GGT1: variants seen among roughly 807,000 people sequenced by gnomAD.
GGT1 encodes gamma-glutamyltransferase 1, also known as glutathione hydrolase 1 proenzyme.
Under a neutral mutation model 56.0 loss-of-function variants are expected in GGT1, and 21 were observed. That is an observed-to-expected ratio of 0.38 (90% CI 0.27 to 0.54). The LOEUF (loss-of-function observed/expected upper bound fraction) is 0.54, where lower values mean the gene tolerates loss of function less well. GGT1 is among the 20% of genes least tolerant of loss of function. The probability of loss-of-function intolerance (pLI) is 0.82; values close to 1 mark genes in which losing one functional copy is unlikely to be tolerated. For missense variants in GGT1, 466 were observed against 787.0 expected (o/e 0.59, Z 4.88); for synonymous variants, 238 against 342.6 (o/e 0.69, Z 3.37).
In GGT1 at chr22:24,628,524, C is replaced by T; in HGVS notation, c.1563+136C>T. The stretch of plus-strand genomic sequence containing the variant: ...CCTGGGCCATCTGGAGCCCCTGTGC[C>T]ATGAGGGCCAAGCCCCCTGCTCCAG... On this transcript the variant is annotated intron_variant, in intron 15 of 15. Coordinates refer to ENST00000400382, the MANE Select transcript of GGT1 (RefSeq NM_001288833.2). This position sits in a 1 kb window ranked among gnomAD's most constrained non-coding sequence, Gnocchi z 5.7. The T allele has an allele frequency of 1.6e-6, 2 of 1,270,426 alleles. No individual in the cohort carries two copies. The highest frequency in any genetic ancestry group is 1.1e-6 in the Non-Finnish European group (1 of 902,996). 78.7% of individuals were successfully genotyped at this position (1,270,426 alleles called of 1,614,324 possible). A position where few individuals can be genotyped will look rare whatever the true frequency, so the allele number is the denominator to read the frequency against.
At position 24,624,626 on chromosome 22, in the gene GGT1, G is replaced by A. The variant is rs9620404; in HGVS notation, c.1020+710G>A. The A allele has an allele frequency of 1.7e-4, 158 of 939,838 alleles. No homozygotes were observed. The African/African-American group carries it at 2.5e-3, about 15-fold the overall frequency. The allele number at this position is 939,838 out of a possible 1,614,324, so 58.2% of individuals were successfully genotyped here. ...TGAGGGGACAGAGCCACTGCAGTGTGTCCCTCTGCCCTCCTTTTTGGCTAA... is the reference window on the plus strand; with the variant it reads ...TGAGGGGACAGAGCCACTGCAGTGTATCCCTCTGCCCTCCTTTTTGGCTAA... On this transcript the variant is annotated intron_variant, in intron 11 of 15. Coordinates refer to ENST00000400382, the MANE Select transcript of GGT1 (RefSeq NM_001288833.2).
Position 24,620,257 on chromosome 22 carries a change from C to T in GGT1, c.383-71C>T. On this transcript the variant is annotated intron_variant, in intron 7 of 15. Transcript: ENST00000400382. The surrounding 1 kb of genome is among the most constrained non-coding windows in gnomAD (Gnocchi z 5.6). ...CTGTAAAATGAGTCAGGGACTGTGCCTGGGATGCTGCCTGCGAGAGATCCC... is the reference window on the plus strand; with the variant it reads ...CTGTAAAATGAGTCAGGGACTGTGCTTGGGATGCTGCCTGCGAGAGATCCC... 6.5e-7 allele frequency: 1 copy of T among 1,535,692 alleles called. No homozygotes were observed.
At chr22:24,589,810 G>C in the GGT1 span, 17 of 1,609,080 alleles carry the variant, frequency 1.1e-5, no homozygotes, top group Non-Finnish European at 1.4e-5. Flanking sequence ...GCCCGTGCCT[G>C]CCAGCCTCAC....
upstream of GGT1, chr22:24,592,074 TC>T (rs1484606603): frequency 5.8e-6 from 2 of 345,902 alleles, no homozygotes; most frequent in East Asian, 1.7e-4. Context: ...ATGGCTGACT[TC>T]CTGCTCACAG....
In GGT1 at chr22:24,621,004, G is replaced by A. The variant is rs1457594233; in HGVS notation, c.667G>A (p.Glu223Lys). The A allele has an allele frequency of 4.3e-6, 7 of 1,610,982 alleles. No individual in the cohort carries two copies. The highest frequency in any genetic ancestry group is 2.7e-5 in the African/African-American group (2 of 74,862). ...TGACACCTACGAGACGCTGGCCATC[G>A]AGGGTGCCCAGGCCTTCTACAACGG... ...LADTYETLAI[E>K]GAQAFYNGSL... The change falls in exon 9 of 16, where the codon GAG (glutamate) becomes AAG (lysine). Residue 223 changes from glutamate to lysine, a missense_variant. Physicochemically the swap from Glu to Lys is moderately conservative, Grantham distance 56. Transcript: ENST00000400382.
the GGT1 span, among the ~76,000 whole-genome samples, chr22:24,585,206 C>T: frequency 6.6e-6 from 1 of 152,186 alleles, no homozygotes; most frequent in Non-Finnish European, 1.5e-5. Flanking sequence ...GCACCAAGTC[C>T]TCTCACTTAG....
chr22:24,617,103 G>T (rs1303579791), intron 7 of GGT1, among the ~76,000 whole-genome samples: 1 of 152,214 alleles, frequency 6.6e-6, no homozygotes, highest in Non-Finnish European at 1.5e-5. Flanking sequence ...GTGTGTTACG[G>T]GCTGTAGAAA....
At chr22:24,595,066 A>G (rs748253386) in intron 1 of GGT1, among the ~76,000 whole-genome samples, 2 of 152,178 alleles carry the variant, frequency 1.3e-5, no homozygotes, top group Non-Finnish European at 2.9e-5. Flanking sequence ...GCCTGGAGGC[A>G]TGAAAGGGGC....
the GGT1 span, chr22:24,586,255 A>G: frequency 1.6e-5 from 26 of 1,613,638 alleles, no homozygotes; most frequent in African/African-American, 4.0e-5. Context: ...GCAGCTCATC[A>G]CTCAGCCCCG....
chr22:24,588,149 G>C, the GGT1 span: 2 of 1,259,752 alleles, frequency 1.6e-6, no homozygotes, highest in Non-Finnish European at 1.1e-6. Flanking sequence ...TGAGAGTGCA[G>C]GTGTCAACCT....
chr22:24,619,259 A>G (rs1218547411), intron 7 of GGT1, among the ~76,000 whole-genome samples: 7 of 152,100 alleles, frequency 4.6e-5, no homozygotes, highest in African/African-American at 9.7e-5. Context: ...TTAGCAAGGC[A>G]TGGTGGTGCA....
In GGT1 at chr22:24,620,968, C is replaced by A. The variant is rs759495814; in HGVS notation, c.631C>A (p.Pro211Thr). 1.2e-6 allele frequency: 2 copies of A among 1,612,012 alleles called. No individual in the cohort carries two copies. Among genetic ancestry groups the A allele is most frequent in the Non-Finnish European group, 1.7e-6 (2 of 1,179,850 alleles). Residue 211 changes from proline to threonine, a missense_variant, in exon 9 of 16, where the codon CCG (proline) becomes ACG (threonine). By Grantham distance (38) the Pro-to-Thr change is conservative. Around this residue, in one of 2 missense-constraint regions of GGT1, gnomAD observed 456 missense variants for 716.7 expected, o/e 0.64. Coordinates refer to ENST00000400382, the MANE Select transcript of GGT1 (RefSeq NM_001288833.2). The surrounding 1 kb of genome is among the most constrained non-coding windows in gnomAD (Gnocchi z 5.6). ...TCGGGAGGGGGAGAGACTGACCCTG[C>A]CGCAGCTGGCTGACACCTACGAGAC... is the stretch of plus-strand genomic sequence containing the variant. ...VLREGERLTL[P>T]QLADTYETLA... is the part of the protein sequence containing the mutation.
Position 24,628,175 on chromosome 22 carries a change from C to T in GGT1, c.1431C>T (p.Ile477=), listed in dbSNP as rs765117998. 1.9e-5 allele frequency: 30 copies of T among 1,611,922 alleles called. No individual in the cohort carries two copies. The highest frequency in any genetic ancestry group is 2.5e-5 in the Non-Finnish European group (30 of 1,179,862). Residue 477 remains isoleucine (I), a synonymous_variant, in exon 14 of 16, where the codon ATC becomes ATT. Transcript: ENST00000400382. The surrounding 1 kb of genome is among the most constrained non-coding windows in gnomAD (Gnocchi z 5.7). The stretch of plus-strand genomic sequence containing the variant: ...TGGGAGCTGCTGGGGGCACACAGAT[C>T]ACCACGGCCACTGCACTGGTATGTG... ...MVVGAAGGTQ[I]TTATALAIIY...
intron 1 of GGT1, among the ~76,000 whole-genome samples, chr22:24,606,220 G>A (rs1292204117): frequency 1.3e-5 from 2 of 148,370 alleles, no homozygotes; most frequent in Non-Finnish European, 3.0e-5. Context: ...CATGTGCCAT[G>A]TTGGTGTGCT....
chr22:24,628,269 C>T lies in GGT1; in HGVS notation c.1450-6C>T, dbSNP rs943969999. 5 of 1,611,866 alleles carry T rather than the reference C, an allele frequency of 3.1e-6. No homozygotes were observed. The African/African-American group carries it at 6.7e-5, about 22-fold the overall frequency. On this transcript the variant is annotated splice_region_variant and splice_polypyrimidine_tract_variant and intron_variant, in intron 14 of 15. Coordinates refer to ENST00000400382, the MANE Select transcript of GGT1 (RefSeq NM_001288833.2). The surrounding 1 kb of genome is among the most constrained non-coding windows in gnomAD (Gnocchi z 5.7). ...AAGCCATGCTGATCACACTCCCATG[C>T]CCCAGGCCATCATCTACAACCTCTG...
chr22:24,611,691 G>A (rs572031923), intron 5 of GGT1, among the ~76,000 whole-genome samples: 32 of 150,742 alleles, frequency 2.1e-4, no homozygotes, highest in Non-Finnish European at 3.8e-4. Context: ...TGCAACCTCC[G>A]CCTCCCAAGT....
At chr22:24,598,540 G>T (rs115185178), upstream of GGT1, among the ~76,000 whole-genome samples, 2,194 of 151,836 alleles carry the variant, frequency 0.014, 63 homozygotes, top group African/African-American at 0.049. Context: ...AAGTACAGAA[G>T]TTTCTGTCCT....
chr22:24,589,210 T>C, the GGT1 span: 1 of 1,248,940 alleles, frequency 8.0e-7, no homozygotes, highest in South Asian at 1.4e-5. Flanking sequence ...CCTGGGGCTG[T>C]GTCGATGCTC....
Position 24,620,283 on chromosome 22 carries a change from G to T in GGT1, c.383-45G>T, listed in dbSNP as rs751570876. On this transcript the variant is annotated intron_variant, in intron 7 of 15. Coordinates refer to ENST00000400382, the MANE Select transcript of GGT1 (RefSeq NM_001288833.2). This position sits in a 1 kb window ranked among gnomAD's most constrained non-coding sequence, Gnocchi z 5.6. ...TGGGATGCTGCCTGCGAGAGATCCCGATGTCCCCCACTCAGGGTCACTAAC... is the reference window on the plus strand; with the variant it reads ...TGGGATGCTGCCTGCGAGAGATCCCTATGTCCCCCACTCAGGGTCACTAAC... The T allele has an allele frequency of 6.3e-7, 1 of 1,599,852 alleles. No individual in the cohort carries two copies. Among genetic ancestry groups the T allele is most frequent in the Admixed American group, 1.8e-5 (1 of 56,706 alleles).
Sources: allele counts gnomAD v4.1 joint callset (sites outside exome capture counted in the v4.1 genomes callset), GRCh38; gene constraint gnomAD v4.1.1; regional missense constraint gnomAD v4.1.1; non-coding constraint Gnocchi (gnomAD v3.1); transcripts MANE v1.5; gene names NCBI Gene and HGNC (gene_info 2026-07-23, HGNC 2026-07-21).